Variants in SYT2 observed in about 807,000 individuals in gnomAD.
SYT2 encodes synaptotagmin-2.
In SYT2, 15 loss-of-function variants were observed where a neutral mutation model predicts 39.9. The observed-to-expected ratio is 0.38, with a 90% CI of 0.25 to 0.58. The LOEUF is 0.58. SYT2 is among the 20% of genes least tolerant of loss of function. The pLI is 0.70. For missense variants in SYT2, 389 were observed against 530.3 expected (o/e 0.73, Z 2.62); for synonymous variants, 181 against 204.5 (o/e 0.89, Z 0.98).
chr1:202,612,255 C>T (rs1170127941), intron 1 of SYT2, among the ~76,000 whole-genome samples: 1 of 152,098 alleles, frequency 6.6e-6, no homozygotes, highest in Admixed American at 6.5e-5. Flanking sequence ...GTATGTCTAA[C>T]CTCATGGCAA....
At position 202,688,387 on chromosome 1, in the gene SYT2, C is replaced by T. The variant is rs6696958; in HGVS notation, c.-18+21871G>A. On this transcript the variant is annotated intron_variant, in intron 1 of 8. Transcript: ENST00000367268. ...GTCCTGCCCCCGTGGGCGGCACAGT[C>T]GAGGGTCTGGAACAGGCTGGGACTG... Among the ~76,000 whole-genome samples, 475 of 152,330 alleles carry T rather than the reference C, an allele frequency of 3.1e-3. 3 individuals carry two copies. The highest frequency in any genetic ancestry group is 5.2e-3 in the Admixed American group (80 of 15,306).
chr1:202,696,770 C>T (rs1191644818), intron 1 of SYT2, among the ~76,000 whole-genome samples: 5 of 152,150 alleles, frequency 3.3e-5, no homozygotes, highest in African/African-American at 9.7e-5. Flanking sequence ...AGTGAGTAGA[C>T]GTAATATCAT....
At chr1:202,685,124 C>T (rs753778220) in intron 1 of SYT2, among the ~76,000 whole-genome samples, 7 of 152,090 alleles carry the variant, frequency 4.6e-5, no homozygotes, top group African/African-American at 1.4e-4. Context: ...GCAAACCTGT[C>T]GATGAAGTGG....
At chr1:202,696,830 T>C (rs1391861636) in intron 1 of SYT2, among the ~76,000 whole-genome samples, 1 of 152,238 alleles carries the variant, frequency 6.6e-6, no homozygotes, top group Non-Finnish European at 1.5e-5. Flanking sequence ...ATCTTAGCAC[T>C]ATGGAATGTA....
intron 1 of SYT2, among the ~76,000 whole-genome samples, chr1:202,704,286 G>A (rs1012107496): frequency 1.3e-5 from 2 of 152,232 alleles, no homozygotes; most frequent in East Asian, 3.8e-4. Context: ...GGGGACCCAG[G>A]AGAGGAGGAG....
chr1:202,682,635 G>A (rs968114266), intron 1 of SYT2, among the ~76,000 whole-genome samples: 13 of 152,092 alleles, frequency 8.5e-5, no homozygotes, highest in African/African-American at 1.9e-4. Context: ...GAGCGGATTC[G>A]GGCCTGGGTG....
rs58376514 is a variant in SYT2, at chr1:202,596,268, G to GACACACACACACACACAC, written c.*471_*488dup. 1.7e-5 allele frequency: 2 copies of GACACACACACACACACAC among 119,564 alleles called. No individual in the cohort carries two copies. The highest frequency in any genetic ancestry group is 3.0e-5 in the African/African-American group (1 of 32,850). The allele number at this position is 119,564 out of a possible 1,614,324, so 7.4% of individuals were successfully genotyped here. A position where few individuals can be genotyped will look rare whatever the true frequency, so the allele number is the denominator to read the frequency against. On this transcript the variant is annotated 3_prime_UTR_variant, in exon 9 of 9. Transcript: ENST00000367268. Reference sequence around the variant, plus strand: ...CCAGGAATGAAGAGAAATGCTCAAAGACACACACACACACACACACACACA... The same window carrying GACACACACACACACACAC: ...CCAGGAATGAAGAGAAATGCTCAAAGACACACACACACACACACACACACACACACACACACACACACA...
Position 202,631,605 on chromosome 1 carries a change from C to T in SYT2, c.-17-25816G>A, listed in dbSNP as rs143941344. Among the ~76,000 whole-genome samples, 173 of 152,248 alleles carry T rather than the reference C, an allele frequency of 1.1e-3. 1 individual carries two copies. The highest frequency in any genetic ancestry group is 4.0e-3 in the African/African-American group (167 of 41,544). ...ATGGTTCCTCATGAAGAGTGACTTG[C>T]GGCTCCTTCACAGCACCGAGGGCTG... On this transcript the variant is annotated intron_variant, in intron 1 of 8. Coordinates refer to ENST00000367268, the MANE Select transcript of SYT2 (RefSeq NM_177402.5).
At chr1:202,609,860 T>C (rs1382978219) in intron 1 of SYT2, among the ~76,000 whole-genome samples, 1 of 152,246 alleles carries the variant, frequency 6.6e-6, no homozygotes, top group East Asian at 1.9e-4. Context: ...GATGGTAGTG[T>C]CTTTTGCTCT....
intron 1 of SYT2, among the ~76,000 whole-genome samples, chr1:202,641,879 C>G (rs1272253622): frequency 1.3e-5 from 2 of 152,208 alleles, no homozygotes; most frequent in African/African-American, 4.8e-5. Context: ...TGCTGGAAAG[C>G]CGGCCTTTCT....
chr1:202,622,921 T>A (rs565625020), intron 1 of SYT2, among the ~76,000 whole-genome samples: 53 of 152,242 alleles, frequency 3.5e-4, no homozygotes, highest in African/African-American at 1.3e-3. Context: ...ACAAAGAAAC[T>A]GAGGCCCCAA....
chr1:202,635,212 C>G (rs949799338), intron 1 of SYT2, among the ~76,000 whole-genome samples: 1 of 152,168 alleles, frequency 6.6e-6, no homozygotes, highest in African/African-American at 2.4e-5. Context: ...TTTGTGTTGT[C>G]GAACTCCTGA....
At position 202,596,834 on chromosome 1, in the gene SYT2, G is replaced by T. The variant is rs777022357; in HGVS notation, c.1183C>A (p.Pro395Thr). Residue 395 changes from proline to threonine, a missense_variant, in exon 9 of 9, where the codon CCC becomes ACC. Around this residue, in one of 4 missense-constraint regions of SYT2, gnomAD observed 84 missense variants for 123.1 expected, o/e 0.68. Transcript: ENST00000367268. The stretch of plus-strand genomic sequence containing the variant: ...TGCCACTGGGCGATGGGCCTCCGGG[G>T]GTTGGCCAGCATGTCGGACCAGTGC... The part of the protein sequence containing the change: ...LRHWSDMLAN[P>T]RRPIAQWHSL... The T allele has an allele frequency of 2.5e-6, 4 of 1,614,156 alleles. No individual in the cohort carries two copies. The East Asian group carries it at 6.7e-5, about 27-fold the overall frequency.
At chr1:202,655,728 G>A (rs574850985) in intron 1 of SYT2, among the ~76,000 whole-genome samples, 1 of 152,146 alleles carries the variant, frequency 6.6e-6, no homozygotes, top group Non-Finnish European at 1.5e-5. Context: ...ATGGGCATGC[G>A]CTTGCGAGGC....
intron 3 of SYT2, among the ~76,000 whole-genome samples, chr1:202,603,704 C>T (rs960206304): frequency 2.6e-5 from 4 of 152,222 alleles, no homozygotes; most frequent in Non-Finnish European, 5.9e-5. Flanking sequence ...CACACTCTCA[C>T]ACTCACACAC....
At chr1:202,630,376 A>G (rs1297449406) in intron 1 of SYT2, 3 of 985,374 alleles carry the variant, frequency 3.0e-6, no homozygotes, top group Non-Finnish European at 2.4e-6. Context: ...CCCATCGCCA[A>G]CCGGCTTTCC....
chr1:202,637,371 A>AC (rs928699640), intron 1 of SYT2, among the ~76,000 whole-genome samples: 2 of 151,650 alleles, frequency 1.3e-5, no homozygotes, highest in Admixed American at 6.6e-5. Flanking sequence ...GAAAACCAAA[A>AC]CCGAAAACCA....
intron 2 of SYT2, 42 bp from the exon 3 acceptor site, chr1:202,604,663 C>G: frequency 6.3e-7 from 1 of 1,592,962 alleles, no homozygotes; most frequent in African/African-American, 1.3e-5. Context: ...AGTGCCATGC[C>G]TTGCAGCCCC....
chr1:202,641,085 A>G (rs1691904276), intron 1 of SYT2, among the ~76,000 whole-genome samples: 1 of 152,204 alleles, frequency 6.6e-6, no homozygotes, highest in Non-Finnish European at 1.5e-5. Flanking sequence ...CACTATTCTC[A>G]TTCTGTTTTG....
Sources: gnomAD v4.1 joint callset for allele counts (sites outside exome capture counted in the v4.1 genomes callset) on GRCh38, gnomAD v4.1.1 for gene constraint, gnomAD v4.1.1 regional missense constraint, MANE v1.5 for transcripts, NCBI Gene and HGNC (gene_info 2026-07-23, HGNC 2026-07-21) for gene names.